The following LEKR1 variants were observed in gnomAD, a reference collection of about 807,000 sequenced individuals.
LEKR1 encodes the protein leucine, glutamate and lysine rich 1.
In LEKR1, 59 loss-of-function variants were observed where a neutral mutation model predicts 72.4. That is an observed-to-expected ratio of 0.82 (90% CI 0.66 to 1.01). LEKR1 has a LOEUF of 1.01. Ranked by LOEUF, LEKR1 falls within the 50% of genes least tolerant of loss-of-function variation. The pLI is 0.00. For synonymous variants in LEKR1, 257 were observed against 263.2 expected (o/e 0.98, Z 0.23); for missense variants, 728 against 759.2 (o/e 0.96, Z 0.48).
chr3:156,858,533 G>C (rs1285937266), intron 3 of LEKR1, among the ~76,000 whole-genome samples: 1 of 151,976 alleles, frequency 6.6e-6, no homozygotes, highest in Non-Finnish European at 1.5e-5. Context: ...AATTAGCTGG[G>C]TGTGGTGGAA....
chr3:156,980,527 AT>A (rs1730098198), intron 7 of LEKR1, among the ~76,000 whole-genome samples: 1 of 151,700 alleles, frequency 6.6e-6, no homozygotes, highest in Middle Eastern at 3.4e-3. Context: ...TTTTTGGGAG[AT>A]TGTTTTAAAT....
intron 3 of LEKR1, among the ~76,000 whole-genome samples, chr3:156,886,202 G>C (rs940604509): frequency 3.3e-5 from 5 of 152,144 alleles, no homozygotes; most frequent in South Asian, 4.1e-4. Flanking sequence ...GGCTGCCTCT[G>C]ATGCATAATA....
chr3:157,032,885 A>G (rs1432755653), intron 12 of LEKR1, among the ~76,000 whole-genome samples: 1 of 152,110 alleles, frequency 6.6e-6, no homozygotes, highest in African/African-American at 2.4e-5. Context: ...CATTTTTTCA[A>G]CTGCATGTGC....
intron 9 of LEKR1, among the ~76,000 whole-genome samples, chr3:157,002,305 A>C (rs1417985693): frequency 6.6e-6 from 1 of 152,156 alleles, no homozygotes; most frequent in Non-Finnish European, 1.5e-5. Context: ...TTTCTAGCAA[A>C]AAGTCCTACG....
At chr3:157,006,622 G>T (rs1023719466) in intron 9 of LEKR1, among the ~76,000 whole-genome samples, 1 of 152,128 alleles carries the variant, frequency 6.6e-6, no homozygotes, top group Admixed American at 6.5e-5. Context: ...ACCAACAGAT[G>T]AATGGATGAA....
At chr3:156,847,117 A>C (rs1466175116) in intron 2 of LEKR1, among the ~76,000 whole-genome samples, 1 of 152,190 alleles carries the variant, frequency 6.6e-6, no homozygotes, top group Non-Finnish European at 1.5e-5. Flanking sequence ...CAAGAGGCAC[A>C]ATTTTGAAAT....
At chr3:156,986,547 A>G (rs1413573428) in intron 7 of LEKR1, among the ~76,000 whole-genome samples, 2 of 152,226 alleles carry the variant, frequency 1.3e-5, no homozygotes, top group Non-Finnish European at 2.9e-5. Flanking sequence ...AAGTGAAACG[A>G]AAGAATAAAG....
intron 6 of LEKR1, among the ~76,000 whole-genome samples, chr3:156,943,651 A>G (rs998276986): frequency 2.0e-5 from 3 of 151,868 alleles, no homozygotes; most frequent in African/African-American, 7.2e-5. Context: ...ATCAGGGTTG[A>G]GGTGACTACC....
chr3:157,042,896 G>A (rs1303571552), intron 12 of LEKR1, among the ~76,000 whole-genome samples: 2 of 152,040 alleles, frequency 1.3e-5, no homozygotes, highest in Non-Finnish European at 2.9e-5. Context: ...ACTTGATATG[G>A]TTTGGATCTG....
intron 2 of LEKR1, among the ~76,000 whole-genome samples, chr3:156,847,149 G>T (rs1421176363): frequency 6.6e-6 from 1 of 152,192 alleles, no homozygotes; most frequent in Non-Finnish European, 1.5e-5. Flanking sequence ...CAGTTGGGCA[G>T]CAGGAAGGTA....
At chr3:157,015,818 A>T (rs1211445644) in intron 10 of LEKR1, among the ~76,000 whole-genome samples, 1 of 152,176 alleles carries the variant, frequency 6.6e-6, no homozygotes, top group African/African-American at 2.4e-5. Context: ...TATTCCATAT[A>T]CCCAGAAGCT....
At chr3:156,993,925 A>G (rs1335349556) in intron 9 of LEKR1, among the ~76,000 whole-genome samples, 1 of 152,046 alleles carries the variant, frequency 6.6e-6, no homozygotes, top group Admixed American at 6.6e-5. Context: ...TTTTAAATGC[A>G]TATCTGATAT....
intron 3 of LEKR1, among the ~76,000 whole-genome samples, 176 bp from the exon 4 acceptor site, chr3:156,920,399 G>C (rs762116182): frequency 2.6e-5 from 4 of 151,916 alleles, no homozygotes; most frequent in Non-Finnish European, 4.4e-5. Flanking sequence ...CTCCTCCCCA[G>C]GATTTGGTGC....
chr3:156,848,583 C>T (rs1251444061), intron 2 of LEKR1, among the ~76,000 whole-genome samples: 1 of 151,942 alleles, frequency 6.6e-6, no homozygotes, highest in Non-Finnish European at 1.5e-5. Flanking sequence ...TTCCTGAAGA[C>T]AGTATAAAAT....
At chr3:156,884,801 C>T (rs951786830) in intron 3 of LEKR1, among the ~76,000 whole-genome samples, 1 of 152,112 alleles carries the variant, frequency 6.6e-6, no homozygotes, top group Non-Finnish European at 1.5e-5. Context: ...GTTATTTGTG[C>T]TTCTTATATT....
chr3:156,872,519 T>C (rs551665617), intron 3 of LEKR1, among the ~76,000 whole-genome samples: 1 of 152,214 alleles, frequency 6.6e-6, no homozygotes, highest in African/African-American at 2.4e-5. Context: ...TCTAGTTCTT[T>C]CAGATGTATA....
At chr3:156,985,523 G>T (rs1266702278) in intron 7 of LEKR1, among the ~76,000 whole-genome samples, 1 of 152,100 alleles carries the variant, frequency 6.6e-6, no homozygotes, top group Non-Finnish European at 1.5e-5. Context: ...ATGGCAAAAG[G>T]GACTTTACAA....
chr3:156,888,394 A>G (rs1200723364), intron 3 of LEKR1: 4 of 701,294 alleles, frequency 5.7e-6, no homozygotes, highest in African/African-American at 5.2e-5. Context: ...TGAGCCATAC[A>G]TAGGTCTGTG....
At chr3:157,018,975 A>G (rs1341382746) in intron 10 of LEKR1, among the ~76,000 whole-genome samples, 1 of 152,146 alleles carries the variant, frequency 6.6e-6, no homozygotes, top group Non-Finnish European at 1.5e-5. Flanking sequence ...TTAACTGCAA[A>G]TTCTGTTTTG....
Sources: gnomAD v4.1 joint callset for allele counts (sites outside exome capture counted in the v4.1 genomes callset) on GRCh38, gnomAD v4.1.1 for gene constraint, MANE v1.5 for transcripts, NCBI Gene and HGNC (gene_info 2026-07-23, HGNC 2026-07-21) for gene names.